The following L3MBTL4 variants were observed in gnomAD, a reference collection of about 807,000 sequenced individuals.
L3MBTL4 encodes lethal(3)malignant brain tumor-like protein 4.
In L3MBTL4, 70 loss-of-function variants were observed where a neutral mutation model predicts 84.5. That is an observed-to-expected ratio of 0.83 (90% CI 0.68 to 1.01). The LOEUF (loss-of-function observed/expected upper bound fraction) is 1.01, where lower values mean the gene tolerates loss of function less well. Among genes scored for constraint, L3MBTL4 ranks in the 50% least tolerant of loss-of-function variants. The probability of loss-of-function intolerance (pLI) is 0.00; values close to 1 mark genes in which losing one functional copy is unlikely to be tolerated. For missense variants in L3MBTL4, 715 were observed against 754.8 expected, an observed-to-expected ratio of 0.95 and a Z score of 0.62; for synonymous variants, 274 against 259.8, an observed-to-expected ratio of 1.05 and a Z score of -0.52.
chr18:6,178,013 G>A (rs1293799956), intron 12 of L3MBTL4, among the ~76,000 whole-genome samples: 1 of 152,110 alleles, frequency 6.6e-6, no homozygotes, highest in Non-Finnish European at 1.5e-5. Context: ...GCAAGGTCCT[G>A]CTTTGAGGAG....
intron 15 of L3MBTL4, among the ~76,000 whole-genome samples, chr18:6,089,018 G>A (rs1032593242): frequency 2.6e-5 from 4 of 151,952 alleles, no homozygotes; most frequent in African/African-American, 9.7e-5. Flanking sequence ...GTATTTTAAC[G>A]AATGGTGGTG....
intron 1 of L3MBTL4, among the ~76,000 whole-genome samples, chr18:6,393,554 G>C (rs2055146289): frequency 6.6e-6 from 1 of 152,164 alleles, no homozygotes. Flanking sequence ...CTCCACCCAA[G>C]ACTATCTCCA....
intron 1 of L3MBTL4, among the ~76,000 whole-genome samples, chr18:6,391,755 T>C (rs370488997): frequency 2.2e-5 from 3 of 134,590 alleles, no homozygotes; most frequent in African/African-American, 7.4e-5. Context: ...CAACAACAAC[T>C]ACTACTACTA....
intron 4 of L3MBTL4, among the ~76,000 whole-genome samples, chr18:6,297,389 A>C (rs1316363731): frequency 6.6e-6 from 1 of 152,236 alleles, no homozygotes; most frequent in Non-Finnish European, 1.5e-5. Context: ...TGAAGTCTAT[A>C]GTTTAGTGAA....
chr18:6,144,111 G>A (rs1018270771), intron 13 of L3MBTL4, among the ~76,000 whole-genome samples: 1 of 148,172 alleles, frequency 6.7e-6, no homozygotes, highest in African/African-American at 2.5e-5. Context: ...CAAGAGAATG[G>A]CGTGAACCTG....
At chr18:6,208,688 G>A (rs2045973218) in intron 12 of L3MBTL4, among the ~76,000 whole-genome samples, 1 of 152,126 alleles carries the variant, frequency 6.6e-6, no homozygotes, top group Non-Finnish European at 1.5e-5. Flanking sequence ...TTTCTGATAA[G>A]GCAACAGTAA....
chr18:6,384,237 T>C (rs1475247555), intron 1 of L3MBTL4, among the ~76,000 whole-genome samples: 2 of 152,156 alleles, frequency 1.3e-5, no homozygotes, highest in African/African-American at 2.4e-5. Flanking sequence ...CTTGTATATA[T>C]AATCATGCCT....
chr18:6,143,632 C>A (rs2060259045), intron 13 of L3MBTL4, among the ~76,000 whole-genome samples: 1 of 152,190 alleles, frequency 6.6e-6, no homozygotes, highest in Non-Finnish European at 1.5e-5. Context: ...ACAATTAGGT[C>A]TCAAGAAGAA....
At chr18:6,242,843 C>G (rs960431632) in intron 7 of L3MBTL4, among the ~76,000 whole-genome samples, 1 of 152,168 alleles carries the variant, frequency 6.6e-6, no homozygotes, top group Admixed American at 6.5e-5. Context: ...TCATTCCCAT[C>G]GAAAGAAAAT....
chr18:6,177,271 C>T (rs1247933328), intron 12 of L3MBTL4, among the ~76,000 whole-genome samples: 10 of 152,168 alleles, frequency 6.6e-5, no homozygotes, highest in Middle Eastern at 3.2e-3. Context: ...GTCCATAAAA[C>T]GAATGCTAGT....
chr18:6,382,120 T>C (rs1393259125), intron 1 of L3MBTL4, among the ~76,000 whole-genome samples: 1 of 152,208 alleles, frequency 6.6e-6, no homozygotes, highest in African/African-American at 2.4e-5. Context: ...ACTTGATCAA[T>C]TTGGCTATTG....
At chr18:6,150,512 T>C (rs1259950079) in intron 13 of L3MBTL4, among the ~76,000 whole-genome samples, 1 of 152,180 alleles carries the variant, frequency 6.6e-6, no homozygotes, top group East Asian at 1.9e-4. Context: ...GGCTTCTTCC[T>C]GAAATCTAAC....
At chr18:6,285,184 G>A (rs2049513824) in intron 4 of L3MBTL4, among the ~76,000 whole-genome samples, 1 of 152,196 alleles carries the variant, frequency 6.6e-6, no homozygotes, top group African/African-American at 2.4e-5. Flanking sequence ...ACATCCACAG[G>A]GAGGCAGCCG....
At chr18:6,219,806 C>T (rs77726865) in intron 10 of L3MBTL4, among the ~76,000 whole-genome samples, 9 of 152,030 alleles carry the variant, frequency 5.9e-5, no homozygotes, top group East Asian at 5.8e-4. Flanking sequence ...TTTTAGAAGA[C>T]GAGGAGAACT....
chr18:6,289,036 G>C (rs1426879048), intron 4 of L3MBTL4, among the ~76,000 whole-genome samples: 2 of 151,884 alleles, frequency 1.3e-5, no homozygotes, highest in Non-Finnish European at 2.9e-5. Flanking sequence ...AAAAAAATTT[G>C]TATGAGAAAG....
intron 15 of L3MBTL4, among the ~76,000 whole-genome samples, chr18:6,090,960 C>T (rs2058435189): frequency 6.6e-6 from 1 of 152,096 alleles, no homozygotes. Flanking sequence ...GAAATTATAG[C>T]TCTGATTTTC....
chr18:6,103,083 T>A (rs889564865), intron 14 of L3MBTL4, among the ~76,000 whole-genome samples: 8 of 152,236 alleles, frequency 5.3e-5, no homozygotes, highest in Non-Finnish European at 1.2e-4. Flanking sequence ...AAATTTATGC[T>A]GAAACCAGTT....
chr18:6,320,598 G>A (rs2051353373), intron 1 of L3MBTL4, among the ~76,000 whole-genome samples: 1 of 151,946 alleles, frequency 6.6e-6, no homozygotes, highest in African/African-American at 2.4e-5. Context: ...AATCACAGAT[G>A]ACACAAATGG....
intron 16 of L3MBTL4, among the ~76,000 whole-genome samples, chr18:6,070,875 T>C (rs1376944573): frequency 6.6e-6 from 1 of 151,762 alleles, no homozygotes; most frequent in Non-Finnish European, 1.5e-5. Context: ...ATGAATGAAG[T>C]ACAAAAGATA....
Sources: gnomAD v4.1 joint callset for allele counts (sites outside exome capture counted in the v4.1 genomes callset) on GRCh38, gnomAD v4.1.1 for gene constraint, MANE v1.5 for transcripts, NCBI Gene and HGNC (gene_info 2026-07-23, HGNC 2026-07-21) for gene names.